Variants in STARD9 observed in about 807,000 individuals in gnomAD.
STARD9 encodes the protein StAR related lipid transfer domain containing 9.
STARD9 carries 346 observed loss-of-function variants against 399.8 expected under a neutral mutation model. The observed-to-expected ratio is 0.87, with a 90% CI of 0.79 to 0.95. The LOEUF is 0.95. Ranked by LOEUF, STARD9 falls within the 40% of genes least tolerant of loss-of-function variation. STARD9 has a pLI of 0.00. For synonymous variants in STARD9, 2,203 were observed against 2,143.5 expected (o/e 1.03, Z -0.77); for missense variants, 5,832 against 5,667.5 (o/e 1.03, Z -0.93).
intron 20 of STARD9, among the ~76,000 whole-genome samples, chr15:42,681,195 C>G (rs1042846512): frequency 1.3e-5 from 2 of 152,212 alleles, no homozygotes; most frequent in Non-Finnish European, 2.9e-5. Flanking sequence ...CTGCTAACCC[C>G]ACAACTCTAA....
intron 13 of STARD9, among the ~76,000 whole-genome samples, chr15:42,664,771 G>C (rs1331708452): frequency 6.8e-6 from 1 of 147,742 alleles, no homozygotes; most frequent in East Asian, 2.0e-4. Context: ...TGAATTCATT[G>C]GTTTTTGTTT....
chr15:42,617,966 T>C (rs918381115), intron 3 of STARD9, among the ~76,000 whole-genome samples: 18 of 152,174 alleles, frequency 1.2e-4, no homozygotes, highest in Non-Finnish European at 2.4e-4. Context: ...CACTATCTTA[T>C]TGAGGTTAGT....
chr15:42,668,498 A>G (rs2060145962), intron 15 of STARD9, among the ~76,000 whole-genome samples: 1 of 152,142 alleles, frequency 6.6e-6, no homozygotes, highest in Non-Finnish European at 1.5e-5. Flanking sequence ...GCATGTCCCT[A>G]AAGTGGTCTT....
In STARD9 at chr15:42,690,282, G is replaced by T. The variant is rs868554558; in HGVS notation, c.8704G>T (p.Asp2902Tyr). ...ACATTCCAGGCCAATTCCACTGCCAGATCAAAGACCAAGCGCAAATCCTGG... is the reference window on the plus strand; with the variant it reads ...ACATTCCAGGCCAATTCCACTGCCATATCAAAGACCAAGCGCAAATCCTGG... ...SKHSRPIPLP[D>Y]QRPSANPGGI... The change falls in exon 23 of 33, where the codon GAT becomes TAT. Residue 2902 changes from aspartate (D) to tyrosine (Y), a missense_variant. Asp to Tyr is a radical substitution (Grantham distance 160). Around this residue, in one of 2 missense-constraint regions of STARD9, gnomAD observed 5,828 missense variants for 5,651.1 expected, o/e 1.03. Coordinates refer to ENST00000290607, the MANE Select transcript of STARD9 (RefSeq NM_020759.3). 1.3e-6 allele frequency: 2 copies of T among 1,537,372 alleles called. No homozygotes were observed. Among genetic ancestry groups the T allele is most frequent in the Middle Eastern group, 3.3e-4 (2 of 5,990 alleles).
Position 42,691,671 on chromosome 15 carries a change from G to A in STARD9, c.10093G>A (p.Gly3365Ser), listed in dbSNP as rs1181990774. The A allele has an allele frequency of 6.5e-7, 1 of 1,537,108 alleles. No homozygotes were observed. Among genetic ancestry groups the A allele is most frequent in the African/African-American group, 1.4e-5 (1 of 73,030 alleles). Residue 3365 changes from glycine to serine, a missense_variant, in exon 23 of 33, where the codon GGC becomes AGC. Gly to Ser is a moderately conservative substitution (Grantham distance 56). This residue lies in a region of STARD9 where 5,828 missense variants were observed against 5,651.1 expected (regional missense o/e 1.03). Coordinates refer to ENST00000290607, the MANE Select transcript of STARD9 (RefSeq NM_020759.3). ...CAGATTGTGGAACCCACATCTCAGG[G>A]GCTATTCCTCAGGAAAGTCAGTGGC... ...PNRLWNPHLR[G>S]YSSGKSVART... is the part of the protein sequence containing the mutation.
intron 20 of STARD9, among the ~76,000 whole-genome samples, chr15:42,676,874 C>T (rs2060321471): frequency 6.6e-6 from 1 of 152,010 alleles, no homozygotes; most frequent in South Asian, 2.1e-4. Context: ...CAGTTCTTTC[C>T]TCAGGCCAGC....
intron 3 of STARD9, among the ~76,000 whole-genome samples, chr15:42,607,510 GCCTCTTTTTCTGAATAGATTCTTT>G (rs2058756519): frequency 6.6e-6 from 1 of 151,616 alleles, no homozygotes; most frequent in Non-Finnish European, 1.5e-5. Flanking sequence ...CCCTCCTGAT[GCCTCTTTTTCTGAATAGATTCTTT>G]CTCATCTGTG....
intron 3 of STARD9, among the ~76,000 whole-genome samples, chr15:42,601,608 C>A: frequency 6.6e-6 from 1 of 151,190 alleles, no homozygotes; most frequent in East Asian, 1.9e-4. Flanking sequence ...GGGCGGCTGG[C>A]CGGGTGGGGG....
chr15:42,654,682 T>C (rs912506763), intron 9 of STARD9, among the ~76,000 whole-genome samples: 2 of 150,576 alleles, frequency 1.3e-5, no homozygotes, highest in African/African-American at 4.9e-5. Context: ...TTTTTTACAA[T>C]AGCTGAAAAA....
At chr15:42,604,208 A>G (rs2058685838) in intron 3 of STARD9, among the ~76,000 whole-genome samples, 1 of 152,176 alleles carries the variant, frequency 6.6e-6, no homozygotes, top group African/African-American at 2.4e-5. Context: ...TTTCACTGTC[A>G]TGATTTTTGC....
At chr15:42,659,977 A>G (rs72711781) in intron 9 of STARD9, among the ~76,000 whole-genome samples, 7,538 of 152,314 alleles carry the variant, frequency 0.049, 297 homozygotes, top group Non-Finnish European at 0.074. Flanking sequence ...ACATCCATCA[A>G]AAGGCAAATG....
chr15:42,657,696 G>A (rs1054654292), intron 9 of STARD9, among the ~76,000 whole-genome samples: 16 of 152,308 alleles, frequency 1.1e-4, no homozygotes, highest in South Asian at 2.1e-4. Flanking sequence ...ATATTTTCAA[G>A]TGCACACGGA....
At chr15:42,608,361 A>G (rs2058779736) in intron 3 of STARD9, among the ~76,000 whole-genome samples, 2 of 152,068 alleles carry the variant, frequency 1.3e-5, no homozygotes, top group African/African-American at 4.8e-5. Context: ...AATCTCTTCA[A>G]CCAGACCCTG....
chr15:42,717,003 C>T lies in STARD9; in HGVS notation c.13449C>T (p.Ser4483=), dbSNP rs371872646. The change falls in exon 28 of 33, where the codon TCC becomes TCT. Residue 4483 remains serine (S), a synonymous_variant. Coordinates refer to ENST00000290607, the MANE Select transcript of STARD9 (RefSeq NM_020759.3). ...LSSLGTCFSS[S]YQDLAKHVVD... ...GCTTGGGGACCTGCTTTTCCTCCTC[C>T]TACCAGGATTTGGCCAAGCATGTCG... 4 of 1,537,134 alleles carry T rather than the reference C, an allele frequency of 2.6e-6. No homozygotes were observed. Among genetic ancestry groups the T allele is most frequent in the Non-Finnish European group, 3.5e-6 (4 of 1,146,902 alleles).
intron 26 of STARD9, among the ~76,000 whole-genome samples, chr15:42,711,871 G>A (rs538590478): frequency 8.5e-4 from 127 of 149,008 alleles, no homozygotes; most frequent in African/African-American, 3.1e-3. Flanking sequence ...TAGAGGAACT[G>A]CCAGACTGTT....
Position 42,584,771 on chromosome 15 carries a change from G to A in STARD9, c.118-750G>A, listed in dbSNP as rs2058241249. Among the ~76,000 whole-genome samples, 5 of 152,194 alleles carry A rather than the reference G, an allele frequency of 3.3e-5. No individual in the cohort carries two copies. The South Asian group carries it at 1.0e-3, about 32-fold the overall frequency. ...GGGGTTGAATATTCCAGGAACCTCA[G>A]TGAAAGCCCCAGGTTGATGAAGCCT... On this transcript the variant is annotated intron_variant, in intron 2 of 32. Transcript: ENST00000290607.
At chr15:42,608,024 C>G (rs1328321357) in intron 3 of STARD9, among the ~76,000 whole-genome samples, 2 of 152,082 alleles carry the variant, frequency 1.3e-5, no homozygotes, top group African/African-American at 4.8e-5. Flanking sequence ...TTTCCATTAT[C>G]TTATTTTTTG....
intron 32 of STARD9, 103 bp downstream of exon 32, chr15:42,719,013 C>T: frequency 9.0e-7 from 1 of 1,110,252 alleles, no homozygotes; most frequent in South Asian, 1.5e-5. Flanking sequence ...AGTGCCCAGG[C>T]CCTTTGGCCT....
intron 15 of STARD9, among the ~76,000 whole-genome samples, chr15:42,668,737 G>A (rs2060149952): frequency 6.6e-6 from 1 of 152,188 alleles, no homozygotes; most frequent in South Asian, 2.1e-4. Context: ...TGTACTTTGG[G>A]AAAGAAGTGT....
Sources: allele counts gnomAD v4.1 joint callset (sites outside exome capture counted in the v4.1 genomes callset), GRCh38; gene constraint gnomAD v4.1.1; regional missense constraint gnomAD v4.1.1; transcripts MANE v1.5; gene names NCBI Gene and HGNC (gene_info 2026-07-23, HGNC 2026-07-21).